The following PHKA2 variants were observed in gnomAD, a reference collection of about 807,000 sequenced individuals.
The protein encoded by PHKA2 is phosphorylase b kinase regulatory subunit alpha, liver isoform.
Under a neutral mutation model 102.0 loss-of-function variants are expected in PHKA2, and 31 were observed. The observed-to-expected ratio is 0.30, with a 90% CI of 0.23 to 0.41. PHKA2 has a LOEUF of 0.41. PHKA2 is among the 10% of genes least tolerant of loss of function. The probability of loss-of-function intolerance (pLI) is 1.00; values close to 1 mark genes in which losing one functional copy is unlikely to be tolerated. For synonymous variants in PHKA2, 455 were observed against 416.2 expected (o/e 1.09, Z -1.13); for missense variants, 858 against 1,023.1 (o/e 0.84, Z 2.20).
chrX:18,904,551 G>C (rs374225210), intron 26 of PHKA2, among the ~76,000 whole-genome samples: 1 of 112,346 alleles, frequency 8.9e-6, no homozygotes, highest in East Asian at 2.8e-4. Context: ...ATACTATAAT[G>C]ATGAGCAGAA....
intron 1 of PHKA2, among the ~76,000 whole-genome samples, chrX:18,965,269 A>G (rs904875685): frequency 2.7e-5 from 3 of 111,644 alleles, no homozygotes; most frequent in Non-Finnish European, 3.8e-5. Context: ...ACTGAGATGT[A>G]AGTCCTGAGC....
intron 13 of PHKA2, among the ~76,000 whole-genome samples, chrX:18,927,349 G>A (rs898089434): frequency 8.9e-6 from 1 of 112,196 alleles, no homozygotes; most frequent in African/African-American, 3.2e-5. Flanking sequence ...TACTAGTACC[G>A]CTGGCCTTTC....
rs764474439 is a variant in PHKA2, at chrX:18,976,781, T to C, written c.78+7074A>G. 5.4e-5 allele frequency among the ~76,000 whole-genome samples: 6 copies of C among 111,498 alleles called. No individual in the cohort carries two copies. The South Asian group carries it at 2.3e-3, about 42-fold the overall frequency. On this transcript the variant is annotated intron_variant, in intron 1 of 32. Coordinates refer to ENST00000379942, the MANE Select transcript of PHKA2 (RefSeq NM_000292.3). ...GTGAATAAGGGGGACTCCTGTATTA[T>C]TCATTTGTCCCTCCTCCCTCTCCTG...
At chrX:18,958,178 G>A (rs377114895) in intron 1 of PHKA2, among the ~76,000 whole-genome samples, 153 of 111,377 alleles carry the variant, frequency 1.4e-3, no homozygotes, top group African/African-American at 4.5e-3. Flanking sequence ...TGTTTTTAAC[G>A]AGCGGGATGG....
At chrX:18,956,911 C>CT (rs1055789346) in intron 1 of PHKA2, among the ~76,000 whole-genome samples, 8 of 111,490 alleles carry the variant, frequency 7.2e-5, no homozygotes, top group Middle Eastern at 4.7e-3. Flanking sequence ...TTTTTTCTTT[C>CT]TTTTTTTTGA....
At position 18,934,620 on chromosome X, in the gene PHKA2, T is replaced by G. The variant is rs144636548; in HGVS notation, c.1137+1435A>C. ...TTTCTACTTGGTTTAACTGGTTCAG[T>G]GATCTAACACGTAATAGTTCCTTTT... On this transcript the variant is annotated intron_variant, in intron 11 of 32. Transcript: ENST00000379942. Among the ~76,000 whole-genome samples, 395 of 112,866 alleles carry G rather than the reference T, an allele frequency of 3.5e-3. 1 individual carries two copies. Among genetic ancestry groups the G allele is most frequent in the African/African-American group, 0.012 (383 of 31,120 alleles).
At chrX:18,955,239 G>A (rs781781298) in intron 1 of PHKA2, among the ~76,000 whole-genome samples, 19 of 112,467 alleles carry the variant, frequency 1.7e-4, no homozygotes, top group African/African-American at 5.8e-4. Context: ...GAAGCCAGAT[G>A]CCAAAGGCTA....
At chrX:18,968,758 A>AGGAAGCTTTAAGTCAAGTATT (rs1785398003) in intron 1 of PHKA2, among the ~76,000 whole-genome samples, 1 of 112,610 alleles carries the variant, frequency 8.9e-6, no homozygotes, top group South Asian at 3.6e-4. Context: ...TTTAAGTATC[A>AGGAAGCTTTAAGTCAAGTATT]GGAAGCTTTA....
In PHKA2 at chrX:18,894,421, C is replaced by T. The variant is rs1231836351; in HGVS notation, c.3337-17G>A. On this transcript the variant is annotated splice_polypyrimidine_tract_variant and intron_variant, in intron 31 of 32. Transcript: ENST00000379942. ...CGGGGTCATCTACCAAAGGGACAGG[C>T]AGGCAACCACCAGTGAGAGGACAGA... The T allele has an allele frequency of 1.7e-6, 2 of 1,179,941 alleles. No homozygotes were observed. Among genetic ancestry groups the T allele is most frequent in the Admixed American group, 4.3e-5 (2 of 46,082 alleles).
intron 19 of PHKA2, among the ~76,000 whole-genome samples, chrX:18,915,727 C>A (rs1459064796): frequency 9.1e-6 from 1 of 109,642 alleles, no homozygotes; most frequent in African/African-American, 3.3e-5. Flanking sequence ...ATTTGGGGAA[C>A]AAAGATTTAA....
rs774250532 is a variant in PHKA2, at chrX:18,945,141, C to T, written c.555G>A (p.Glu185=). 3.9e-5 allele frequency: 46 copies of T among 1,191,054 alleles called. No homozygotes were observed. The highest frequency in any genetic ancestry group is 4.8e-5 in the Non-Finnish European group (42 of 877,914). ...TGCCCTGATTAGTCTTATCTCCACG[C>T]TCCCACATTCCATAATCCTGGGGGA... ...AYKVADYGMW[E]RGDKTNQGIP... Residue 185 remains glutamate (E), a synonymous_variant, in exon 6 of 33, where the codon GAG becomes GAA. Transcript: ENST00000379942.
chrX:18,938,535 C>T (rs1181169537), intron 10 of PHKA2, 92 bp downstream of exon 10: 21 of 938,156 alleles, frequency 2.2e-5, no homozygotes, highest in Non-Finnish European at 3.2e-5. Context: ...GAAACAGTGA[C>T]CTAAATTCTT....
At chrX:18,930,444 C>T (rs974764714) in intron 12 of PHKA2, among the ~76,000 whole-genome samples, 4 of 110,611 alleles carry the variant, frequency 3.6e-5, no homozygotes, top group African/African-American at 9.9e-5. Context: ...TGAGGAGCAA[C>T]TGGACCTAGC....
At position 18,907,946 on chromosome X, in the gene PHKA2, C is replaced by T; in HGVS notation, c.2471G>A (p.Arg824His). ...AGLNQEWGLI[R>H]YISGLLRKKV... ...CTTCCTGAGAAGGCCTGAGATGTAGCGAATCAGACCCCACTCCTGGTTCAA... is the reference window on the plus strand; with the variant it reads ...CTTCCTGAGAAGGCCTGAGATGTAGTGAATCAGACCCCACTCCTGGTTCAA... Residue 824 changes from arginine to histidine, a missense_variant, in exon 22 of 33, where the codon CGC becomes CAC. Around this residue, in one of 2 missense-constraint regions of PHKA2, gnomAD observed 671 missense variants for 745.2 expected, o/e 0.90. Transcript: ENST00000379942. 2.5e-6 allele frequency: 3 copies of T among 1,211,255 alleles called. No homozygotes were observed. Among genetic ancestry groups the T allele is most frequent in the East Asian group, 3.0e-5 (1 of 33,834 alleles).
chrX:18,959,025 C>G lies in PHKA2; in HGVS notation c.79-4613G>C, dbSNP rs2048826850. On this transcript the variant is annotated intron_variant, in intron 1 of 32. Transcript: ENST00000379942. Reference sequence around the variant, plus strand: ...ACACCTGGCCTAGTTTCTTTTTAACCAGGTACTATTTCACCATTTCTACCT... The same window carrying G: ...ACACCTGGCCTAGTTTCTTTTTAACGAGGTACTATTTCACCATTTCTACCT... Among the ~76,000 whole-genome samples, 6 of 111,790 alleles carry G rather than the reference C, an allele frequency of 5.4e-5. No individual in the cohort carries two copies. The South Asian group carries it at 2.2e-3, about 42-fold the overall frequency.
intron 27 of PHKA2, 45 bp downstream of exon 27, chrX:18,901,440 A>T: frequency 1.2e-6 from 1 of 846,906 alleles, no homozygotes; most frequent in Non-Finnish European, 1.8e-6. Flanking sequence ...AAGCCCAGGT[A>T]GGGAGACCAC....
At chrX:18,908,993 T>C in intron 20 of PHKA2, 59 bp from the exon 21 acceptor site, 1 of 1,200,062 alleles carries the variant, frequency 8.3e-7, no homozygotes, top group Non-Finnish European at 1.1e-6. Flanking sequence ...TTTCGGAAGA[T>C]CAAGAAGTGA....
intron 17 of PHKA2, among the ~76,000 whole-genome samples, chrX:18,922,984 A>G (rs928458016): frequency 9.1e-6 from 1 of 109,628 alleles, no homozygotes; most frequent in Non-Finnish European, 1.9e-5. Flanking sequence ...TCAGGGACCA[A>G]ACAGAAGCCT....
At chrX:18,906,897 C>T in intron 23 of PHKA2, 83 bp from the exon 24 acceptor site, 7 of 1,006,897 alleles carry the variant, frequency 7.0e-6, no homozygotes, top group Admixed American at 4.4e-5. Context: ...CCCTTATTTT[C>T]TGTGCTAGAC....
Sources: gnomAD v4.1 joint callset for allele counts (sites outside exome capture counted in the v4.1 genomes callset) on GRCh38, gnomAD v4.1.1 for gene constraint, gnomAD v4.1.1 regional missense constraint, MANE v1.5 for transcripts, NCBI Gene and HGNC (gene_info 2026-07-23, HGNC 2026-07-21) for gene names.